EEF1E1: variants seen among roughly 807,000 people sequenced by gnomAD.
EEF1E1 encodes the protein eukaryotic translation elongation factor 1 epsilon-1.
A neutral mutation model predicts 19.9 loss-of-function variants in EEF1E1; 19 were observed. The ratio of observed to expected loss-of-function variants is 0.95; its 90% CI spans 0.66 to 1.40. The LOEUF is 1.40. Ranked by LOEUF, EEF1E1 falls within the 40% of genes most tolerant of loss-of-function variation. The probability of loss-of-function intolerance (pLI) is 0.00; values close to 1 mark genes in which losing one functional copy is unlikely to be tolerated. For missense variants in EEF1E1, 198 were observed against 202.2 expected (o/e 0.98, Z 0.13); for synonymous variants, 81 against 80.0 (o/e 1.01, Z -0.07).
chr6:8,102,497 G>C lies in EEF1E1; in HGVS notation c.25C>G (p.Leu9Val). MAAAAELS[L>V]LEKSLGLSKG... is the part of the protein sequence containing the mutation. ...CTCAGTCCCAGGGACTTCTCCAGTAGCGACAACTCTGCGGCCGCCGCCATC... is the reference window on the plus strand; with the variant it reads ...CTCAGTCCCAGGGACTTCTCCAGTACCGACAACTCTGCGGCCGCCGCCATC... The change falls in exon 1 of 4, where the codon CTA becomes GTA. Residue 9 changes from leucine to valine, a missense_variant. By Grantham distance (32) the Leu-to-Val change is conservative. Coordinates refer to ENST00000379715, the MANE Select transcript of EEF1E1 (RefSeq NM_004280.5). 1 of 1,611,980 alleles carries C rather than the reference G, an allele frequency of 6.2e-7. No individual in the cohort carries two copies. The highest frequency in any genetic ancestry group is 8.5e-7 in the Non-Finnish European group (1 of 1,179,984).
At chr6:8,080,104 G>A in intron 3 of EEF1E1, 74 bp from the exon 4 acceptor site, 5 of 1,510,384 alleles carry the variant, frequency 3.3e-6, no homozygotes, top group Non-Finnish European at 4.5e-6. Context: ...CACTTAAGTA[G>A]GAGATAGAAG....
intron 1 of EEF1E1, among the ~76,000 whole-genome samples, chr6:8,097,710 A>G (rs1395111884): frequency 1.3e-5 from 2 of 152,242 alleles, no homozygotes; most frequent in African/African-American, 2.4e-5. Context: ...ATATTACTAC[A>G]ATAATCAGTA....
rs1003835058 is a variant in EEF1E1 at position 8,079,957 on chromosome 6, G to A, written c.458C>T (p.Pro153Leu). 6.2e-7 allele frequency: 1 copy of A among 1,613,530 alleles called. No individual in the cohort carries two copies. The highest frequency in any genetic ancestry group is 8.5e-7 in the Non-Finnish European group (1 of 1,179,922). ...ACTAGACAGATGTTGCCTGATGCCT[G>A]GATAATGCTGAATGTGACAAAACCA... Reference protein sequence around the residue: ...SRWFCHIQHYPGIRQHLSSVV... With the variant: ...SRWFCHIQHYLGIRQHLSSVV... Residue 153 changes from proline to leucine, a missense_variant, in exon 4 of 4, where the codon CCA (proline) becomes CTA (leucine). Coordinates refer to ENST00000379715, the MANE Select transcript of EEF1E1 (RefSeq NM_004280.5).
chr6:8,076,926 A>ATTT (rs750029678), downstream of EEF1E1, among the ~76,000 whole-genome samples: 2 of 142,672 alleles, frequency 1.4e-5, no homozygotes, highest in East Asian at 2.2e-4. Flanking sequence ...ATGTAGCATG[A>ATTT]TTTTTTTTGT....
intron 2 of EEF1E1, among the ~76,000 whole-genome samples, chr6:8,093,324 CTTTTTTTT>C (rs57000456): frequency 3.7e-5 from 5 of 135,054 alleles, no homozygotes; most frequent in South Asian, 4.6e-4. Flanking sequence ...CATTCGCTTC[CTTTTTTTT>C]TTTTTTTTTT....
At chr6:8,095,563 C>CT (rs1758149043) in intron 2 of EEF1E1, 1 of 154,644 alleles carries the variant, frequency 6.5e-6, no homozygotes, top group Non-Finnish European at 1.3e-5. Flanking sequence ...CAGTAGGTGC[C>CT]TGTTTTTTTT....
At chr6:8,088,995 T>C (rs1224349862) in intron 3 of EEF1E1, among the ~76,000 whole-genome samples, 1 of 150,958 alleles carries the variant, frequency 6.6e-6, no homozygotes, top group Non-Finnish European at 1.5e-5. Context: ...TGCAAATGGA[T>C]AGTAAACATT....
At chr6:8,089,448 C>T (rs1757956747) in intron 3 of EEF1E1, among the ~76,000 whole-genome samples, 1 of 152,146 alleles carries the variant, frequency 6.6e-6, no homozygotes, top group East Asian at 1.9e-4. Context: ...GTCCGAGTTC[C>T]AAAACTGAAG....
At chr6:8,093,844 C>CTGGA (rs1348619983) in intron 2 of EEF1E1, among the ~76,000 whole-genome samples, 3 of 151,682 alleles carry the variant, frequency 2.0e-5, no homozygotes, top group Admixed American at 6.6e-5. Context: ...GTTGCCCAGA[C>CTGGA]TGGAGTACAG....
At chr6:8,089,251 A>C (rs1342423007) in intron 3 of EEF1E1, among the ~76,000 whole-genome samples, 1 of 152,246 alleles carries the variant, frequency 6.6e-6, no homozygotes, top group East Asian at 1.9e-4. Flanking sequence ...GTCAAATTAC[A>C]TCAGACAGAA....
chr6:8,100,017 C>T (rs777750569), intron 1 of EEF1E1, among the ~76,000 whole-genome samples: 1 of 152,170 alleles, frequency 6.6e-6, no homozygotes, highest in Non-Finnish European at 1.5e-5. Flanking sequence ...TGGCTCACTG[C>T]TGTCAGCTGT....
chr6:8,075,408 G>A (rs1212125759), downstream of EEF1E1, among the ~76,000 whole-genome samples: 1 of 152,112 alleles, frequency 6.6e-6, no homozygotes, highest in Non-Finnish European at 1.5e-5. Context: ...TTCCTTTCTA[G>A]ACCACCACAA....
intron 1 of EEF1E1, chr6:8,101,631 C>G (rs1000901941): frequency 1.4e-6 from 1 of 698,684 alleles, no homozygotes; most frequent in African/African-American, 1.9e-5. Context: ...TGGAAAAAAT[C>G]TCAAAGGAGC....
At chr6:8,088,150 G>A (rs2113649131) in intron 3 of EEF1E1, among the ~76,000 whole-genome samples, 1 of 152,250 alleles carries the variant, frequency 6.6e-6, no homozygotes, top group Admixed American at 6.5e-5. Flanking sequence ...GTCAACATTT[G>A]TACAGCATGA....
intron 3 of EEF1E1, among the ~76,000 whole-genome samples, chr6:8,087,419 T>C (rs1342197965): frequency 2.0e-5 from 3 of 152,236 alleles, no homozygotes; most frequent in African/African-American, 7.2e-5. Flanking sequence ...GGTTTCACCA[T>C]GTTGGCCAGG....
downstream of EEF1E1, among the ~76,000 whole-genome samples, chr6:8,076,481 G>C (rs1202110475): frequency 6.6e-6 from 1 of 151,554 alleles, no homozygotes; most frequent in East Asian, 1.9e-4. Flanking sequence ...CCACCACCAC[G>C]CCCGGCTAAT....
At chr6:8,085,446 C>A (rs1345539235) in intron 3 of EEF1E1, among the ~76,000 whole-genome samples, 1 of 152,156 alleles carries the variant, frequency 6.6e-6, no homozygotes, top group Non-Finnish European at 1.5e-5. Flanking sequence ...AGCCATCATG[C>A]CCAGCCTTAA....
At chr6:8,088,283 C>T (rs1002914889) in intron 3 of EEF1E1, among the ~76,000 whole-genome samples, 2 of 152,080 alleles carry the variant, frequency 1.3e-5, no homozygotes, top group Admixed American at 6.6e-5. Context: ...CAATCTGGAG[C>T]AAGATCCAGA....
At chr6:8,084,266 G>A (rs1298207245) in intron 3 of EEF1E1, among the ~76,000 whole-genome samples, 1 of 152,164 alleles carries the variant, frequency 6.6e-6, no homozygotes, top group African/African-American at 2.4e-5. Context: ...TGTACTGAAT[G>A]AAACACTTCT....
Sources: gnomAD v4.1 joint callset for allele counts (sites outside exome capture counted in the v4.1 genomes callset) on GRCh38, gnomAD v4.1.1 for gene constraint, MANE v1.5 for transcripts, NCBI Gene and HGNC (gene_info 2026-07-23, HGNC 2026-07-21) for gene names.